The following B4GALT6 variants were observed in gnomAD, a reference collection of about 807,000 sequenced individuals.
B4GALT6 encodes UDP-Gal:beta-GlcNAc beta-1,4-galactosyltransferase 6.
Under a neutral mutation model 46.3 loss-of-function variants are expected in B4GALT6, and 14 were observed. The observed-to-expected ratio is 0.30, with a 90% CI of 0.20 to 0.47. B4GALT6 has a LOEUF of 0.47. B4GALT6 is among the 20% of genes least tolerant of loss of function. The pLI is 0.99. For missense variants in B4GALT6, 386 were observed against 480.1 expected, an observed-to-expected ratio of 0.80 and a Z score of 1.83; for synonymous variants, 168 against 162.0, an observed-to-expected ratio of 1.04 and a Z score of -0.28.
chr18:31,644,810 C>G (rs2073972230), intron 4 of B4GALT6, among the ~76,000 whole-genome samples: 1 of 152,196 alleles, frequency 6.6e-6, no homozygotes, highest in African/African-American at 2.4e-5. Context: ...CCTTCTGAAG[C>G]CAAGAAGAGC....
intron 3 of B4GALT6, among the ~76,000 whole-genome samples, chr18:31,650,929 G>A (rs1261729100): frequency 3.9e-5 from 6 of 152,126 alleles, no homozygotes; most frequent in African/African-American, 9.7e-5. Flanking sequence ...ATCATACCCG[G>A]CTAATTTTTT....
Position 31,657,976 on chromosome 18 carries a change from G to T in B4GALT6, c.346C>A (p.Arg116=). Residue 116 remains arginine (R), a splice_region_variant and synonymous_variant, in exon 3 of 9, where the codon CGA becomes AGA. Coordinates refer to ENST00000306851, the MANE Select transcript of B4GALT6 (RefSeq NM_004775.5). ...AAGTCAAAATTAGATGACGACTTACGCATATAAGGCAGCTTTTCTGGACAG... is the reference window on the plus strand; with the variant it reads ...AAGTCAAAATTAGATGACGACTTACTCATATAAGGCAGCTTTTCTGGACAG... ...LPCPEKLPYM[R]GFLNVNVSEV... The T allele has an allele frequency of 6.2e-7, 1 of 1,604,012 alleles. No individual in the cohort carries two copies. The highest frequency in any genetic ancestry group is 8.5e-7 in the Non-Finnish European group (1 of 1,171,992).
chr18:31,700,650 G>T, the B4GALT6 span, among the ~76,000 whole-genome samples: 11,694 of 151,950 alleles, frequency 0.077, 795 homozygotes, highest in African/African-American at 0.18. Flanking sequence ...TAGAGATGGG[G>T]TTTCACCGTG....
intron 2 of B4GALT6, among the ~76,000 whole-genome samples, chr18:31,661,237 G>A (rs1200801619): frequency 6.6e-6 from 1 of 152,204 alleles, no homozygotes; most frequent in East Asian, 1.9e-4. Flanking sequence ...ATAAGGATAG[G>A]AAAAATTGGG....
intron 3 of B4GALT6, among the ~76,000 whole-genome samples, chr18:31,649,593 A>C (rs547504989): frequency 2.2e-5 from 3 of 134,644 alleles, no homozygotes; most frequent in East Asian, 4.2e-4. Context: ...AAAAAAAAAA[A>C]ATGAGCAAAA....
intron 4 of B4GALT6, among the ~76,000 whole-genome samples, chr18:31,644,453 G>C (rs898925039): frequency 1.3e-5 from 2 of 151,874 alleles, no homozygotes; most frequent in Non-Finnish European, 2.9e-5. Context: ...TTTTGGGGGT[G>C]GGGGGAGGTG....
At chr18:31,693,432 A>G in the B4GALT6 span, among the ~76,000 whole-genome samples, 3 of 152,336 alleles carry the variant, frequency 2.0e-5, no homozygotes, top group Non-Finnish European at 4.4e-5. Context: ...ACTTTTTAAA[A>G]TATCATAAAG....
chr18:31,651,097 C>G, intron 3 of B4GALT6, among the ~76,000 whole-genome samples: 1 of 148,522 alleles, frequency 6.7e-6, no homozygotes, highest in East Asian at 2.0e-4. Flanking sequence ...TGTAGATCAT[C>G]TGAATCACAC....
chr18:31,668,509 T>C (rs1459181208), intron 1 of B4GALT6, among the ~76,000 whole-genome samples: 6 of 152,190 alleles, frequency 3.9e-5, no homozygotes, highest in Non-Finnish European at 7.3e-5. Flanking sequence ...GGGAAAAACT[T>C]ATTCACACAA....
At chr18:31,710,587 G>C in the B4GALT6 span, among the ~76,000 whole-genome samples, 4 of 152,168 alleles carry the variant, frequency 2.6e-5, no homozygotes, top group Admixed American at 2.6e-4. Flanking sequence ...GAAACGAGGA[G>C]AGAAGCCTGG....
chr18:31,640,638 G>A (rs894334770), intron 4 of B4GALT6, among the ~76,000 whole-genome samples: 5 of 152,126 alleles, frequency 3.3e-5, no homozygotes, highest in Non-Finnish European at 5.9e-5. Flanking sequence ...CCCAACTTTG[G>A]GTCCCATTCC....
At chr18:31,711,249 T>C in the B4GALT6 span, among the ~76,000 whole-genome samples, 1 of 152,236 alleles carries the variant, frequency 6.6e-6, no homozygotes, top group South Asian at 2.1e-4. Context: ...ATCATTCTTT[T>C]ATTTTAAATT....
chr18:31,669,232 C>T (rs577833435), intron 1 of B4GALT6, among the ~76,000 whole-genome samples: 10 of 152,234 alleles, frequency 6.6e-5, no homozygotes, highest in South Asian at 2.1e-4. Flanking sequence ...GCATAACTTA[C>T]GTAATTTTCG....
At chr18:31,724,291 G>T in the B4GALT6 span, 1 of 436,618 alleles carries the variant, frequency 2.3e-6, no homozygotes, top group South Asian at 2.6e-5. Flanking sequence ...TGGGCCCCAC[G>T]GGCCCCTCCT....
At chr18:31,672,244 T>A (rs2074365063) in intron 1 of B4GALT6, among the ~76,000 whole-genome samples, 1 of 152,186 alleles carries the variant, frequency 6.6e-6, no homozygotes, top group African/African-American at 2.4e-5. Context: ...CCAGGTCTCT[T>A]AACAAAAGTC....
At chr18:31,632,642 T>C (rs2073806166) in intron 5 of B4GALT6, among the ~76,000 whole-genome samples, 1 of 152,244 alleles carries the variant, frequency 6.6e-6, no homozygotes, top group Admixed American at 6.5e-5. Context: ...CCCCTACCTC[T>C]ATTCTCCCAA....
chr18:31,635,066 A>T (rs1055163138), intron 5 of B4GALT6, among the ~76,000 whole-genome samples: 1 of 152,138 alleles, frequency 6.6e-6, no homozygotes, highest in Non-Finnish European at 1.5e-5. Flanking sequence ...CCCTGTCTCT[A>T]CTAAAAATAC....
chr18:31,641,508 G>A (rs2144563849), intron 4 of B4GALT6, among the ~76,000 whole-genome samples: 1 of 152,274 alleles, frequency 6.6e-6, no homozygotes, highest in Non-Finnish European at 1.5e-5. Flanking sequence ...GTGGAAGAAT[G>A]TCCTCCATAG....
At chr18:31,718,757 A>G in the B4GALT6 span, 1 of 152,162 alleles carries the variant, frequency 6.6e-6, no homozygotes, top group Non-Finnish European at 1.5e-5. Flanking sequence ...CAACTCCATC[A>G]CATTAACCTC....
Sources: allele counts gnomAD v4.1 joint callset (sites outside exome capture counted in the v4.1 genomes callset), GRCh38; gene constraint gnomAD v4.1.1; transcripts MANE v1.5; gene names NCBI Gene and HGNC (gene_info 2026-07-23, HGNC 2026-07-21).